DCX: variants seen among roughly 807,000 people sequenced by gnomAD.
The protein encoded by DCX is doublecortin.
Under a neutral mutation model 20.9 loss-of-function variants are expected in DCX, and 4 were observed. That is an observed-to-expected ratio of 0.19 (90% confidence interval 0.09 to 0.44). The LOEUF (loss-of-function observed/expected upper bound fraction) is 0.44. Among genes scored for constraint, DCX ranks in the 20% least tolerant of loss-of-function variants. DCX has a pLI of 0.99. For synonymous variants in DCX, 103 were observed against 111.4 expected (o/e 0.92, Z 0.47); for missense variants, 133 against 296.9 (o/e 0.45, Z 4.06).
intron 3 of DCX, among the ~76,000 whole-genome samples, chrX:111,356,382 C>A (rs968115779): frequency 8.0e-5 from 9 of 112,875 alleles, no homozygotes; most frequent in African/African-American, 2.6e-4. Context: ...TCTCAGTAAG[C>A]AGTCACAGCA....
intron 2 of DCX, among the ~76,000 whole-genome samples, chrX:111,407,343 G>C (rs1043459075): frequency 8.0e-5 from 9 of 111,803 alleles, no homozygotes; most frequent in African/African-American, 2.9e-4. Context: ...TTCACACCGG[G>C]AAGTCTGTCC....
intron 6 of DCX, 59 bp downstream of exon 6, chrX:111,312,580 T>G: frequency 8.8e-7 from 1 of 1,134,227 alleles, no homozygotes. Flanking sequence ...GAGAAAACCT[T>G]CACCAAGCCA....
intron 1 of DCX, among the ~76,000 whole-genome samples, chrX:111,411,388 C>T (rs965540135): frequency 1.8e-5 from 2 of 109,760 alleles, no homozygotes; most frequent in African/African-American, 6.7e-5. Context: ...GGGTTTCTAC[C>T]TTAATTGAAG....
chrX:111,329,558 G>A (rs947969634), intron 5 of DCX, among the ~76,000 whole-genome samples: 1 of 111,352 alleles, frequency 9.0e-6, no homozygotes, highest in African/African-American at 3.3e-5. Context: ...GTATTGCAGA[G>A]ACTGGAACAA....
intron 3 of DCX, among the ~76,000 whole-genome samples, chrX:111,333,467 T>C (rs1921448039): frequency 1.8e-5 from 2 of 110,951 alleles, no homozygotes; most frequent in South Asian, 7.7e-4. Context: ...CCTATAAATG[T>C]CACCTTTTCT....
intron 3 of DCX, among the ~76,000 whole-genome samples, chrX:111,352,014 T>C (rs1569491993): frequency 8.9e-6 from 1 of 112,125 alleles, no homozygotes; most frequent in African/African-American, 3.2e-5. Flanking sequence ...AGGGAGCCAC[T>C]GTGCCTGGCC....
chrX:111,358,419 T>C (rs762115223), intron 3 of DCX, among the ~76,000 whole-genome samples: 5 of 111,722 alleles, frequency 4.5e-5, no homozygotes, highest in Non-Finnish European at 9.4e-5. Flanking sequence ...GTAATAGAGT[T>C]GCTTATCCTG....
chrX:111,342,969 GAT>G (rs2147656503), intron 3 of DCX, among the ~76,000 whole-genome samples: 1 of 110,881 alleles, frequency 9.0e-6, no homozygotes, highest in South Asian at 3.9e-4. Flanking sequence ...AACCTAGAAA[GAT>G]ATCAAATTGA....
At chrX:111,385,128 G>A (rs367566653) in intron 3 of DCX, among the ~76,000 whole-genome samples, 2 of 112,239 alleles carry the variant, frequency 1.8e-5, no homozygotes, top group East Asian at 2.8e-4. Context: ...CAGCCTGCTG[G>A]CCTGCCCTGG....
Position 111,353,635 on chromosome X carries a change from G to A in DCX, c.706-20482C>T, listed in dbSNP as rs760824161. On this transcript the variant is annotated intron_variant, in intron 3 of 6. Transcript: ENST00000636035. Reference sequence around the variant, plus strand: ...TATTTTATAAAATCTATATGATAAAGGACTCCCCAACATTATTAATACACT... The same window carrying A: ...TATTTTATAAAATCTATATGATAAAAGACTCCCCAACATTATTAATACACT... 4.5e-5 allele frequency among the ~76,000 whole-genome samples: 5 copies of A among 111,356 alleles called. No homozygotes were observed. In the South Asian group the frequency reaches 1.5e-3, roughly 34 times the overall value.
At chrX:111,351,886 G>A (rs758197198) in intron 3 of DCX, among the ~76,000 whole-genome samples, 5 of 111,382 alleles carry the variant, frequency 4.5e-5, no homozygotes, top group African/African-American at 1.3e-4. Flanking sequence ...CACCAGGCCC[G>A]GCTAATTTTT....
chrX:111,307,715 T>C (rs1456008859), intron 6 of DCX, among the ~76,000 whole-genome samples: 1 of 111,918 alleles, frequency 8.9e-6, no homozygotes, highest in Non-Finnish European at 1.9e-5. Flanking sequence ...ACTCCCTGGG[T>C]ATTTTTCAGG....
At chrX:111,391,304 T>A (rs1325711444) in intron 3 of DCX, among the ~76,000 whole-genome samples, 1 of 111,441 alleles carries the variant, frequency 9.0e-6, no homozygotes, top group Non-Finnish European at 1.9e-5. Flanking sequence ...TCACCTTCTG[T>A]CATGATTGTT....
chrX:111,322,888 C>T (rs1203548829), intron 5 of DCX, among the ~76,000 whole-genome samples: 1 of 112,013 alleles, frequency 8.9e-6, no homozygotes, highest in African/African-American at 3.2e-5. Context: ...TCTTGGACAG[C>T]ATGAAGTTAT....
chrX:111,327,558 G>C (rs757812486), intron 5 of DCX, among the ~76,000 whole-genome samples: 12 of 112,026 alleles, frequency 1.1e-4, no homozygotes, highest in Non-Finnish European at 2.3e-4. Context: ...GATAACAATG[G>C]AAAATTATCC....
At position 111,295,847 on chromosome X, in the gene DCX, G is replaced by A. The variant is rs747766562; in HGVS notation, c.*5840C>T. On this transcript the variant is annotated 3_prime_UTR_variant, in exon 7 of 7. Coordinates refer to ENST00000636035, the MANE Select transcript of DCX (RefSeq NM_001195553.2). Reference sequence around the variant, plus strand: ...GAAACTGCTTGTAAAGATCTGCTGAGGGGGATTACGAATGAAAATGGAGAA... The same window carrying A: ...GAAACTGCTTGTAAAGATCTGCTGAAGGGGATTACGAATGAAAATGGAGAA... 8.9e-6 allele frequency: 1 copy of A among 111,944 alleles called. No individual in the cohort carries two copies. Among genetic ancestry groups the A allele is most frequent in the East Asian group, 2.8e-4 (1 of 3,545 alleles). The allele number at this position is 111,944 out of a possible 1,213,427, so 9.2% of individuals were successfully genotyped here.
intron 5 of DCX, among the ~76,000 whole-genome samples, chrX:111,313,885 G>A (rs1287305416): frequency 2.4e-4 from 22 of 92,413 alleles, no homozygotes; most frequent in African/African-American, 8.9e-4. Context: ...GTGGGGGAGA[G>A]GAAGAGAGAG....
chrX:111,337,825 A>C (rs949233806), intron 3 of DCX, among the ~76,000 whole-genome samples: 10 of 112,451 alleles, frequency 8.9e-5, no homozygotes, highest in Non-Finnish European at 1.9e-4. Flanking sequence ...GGAACTCTGT[A>C]AGAGATACAG....
chrX:111,315,197 T>A (rs1479143615), intron 5 of DCX, among the ~76,000 whole-genome samples: 12 of 107,331 alleles, frequency 1.1e-4, no homozygotes, highest in Admixed American at 1.1e-3. Flanking sequence ...AGGGCTAATA[T>A]CCAGAATCTA....
Sources: gnomAD v4.1 joint callset for allele counts (sites outside exome capture counted in the v4.1 genomes callset) on GRCh38, gnomAD v4.1.1 for gene constraint, MANE v1.5 for transcripts, NCBI Gene and HGNC (gene_info 2026-07-23, HGNC 2026-07-21) for gene names.